The following LIN28B variants were observed in gnomAD, a reference collection of about 807,000 sequenced individuals.
LIN28B encodes the protein lin-28 RNA binding posttranscriptional regulator B.
A neutral mutation model predicts 21.9 loss-of-function variants in LIN28B; 5 were observed. The observed-to-expected ratio is 0.23, with a 90% CI of 0.12 to 0.48. The LOEUF (loss-of-function observed/expected upper bound fraction) is 0.48. LIN28B is among the 20% of genes least tolerant of loss of function. The probability of loss-of-function intolerance (pLI) is 0.98; values close to 1 mark genes in which losing one functional copy is unlikely to be tolerated. For synonymous variants in LIN28B, 109 were observed against 111.3 expected, an observed-to-expected ratio of 0.98 and a Z score of 0.13; for missense variants, 245 against 310.5, an observed-to-expected ratio of 0.79 and a Z score of 1.58.
At chr6:105,032,943 T>C (rs929952402) in intron 3 of LIN28B, among the ~76,000 whole-genome samples, 2 of 152,140 alleles carry the variant, frequency 1.3e-5, no homozygotes, top group African/African-American at 4.8e-5. Flanking sequence ...TTGTGTAAGT[T>C]TTTTTTGCCA....
At chr6:104,987,511 A>G (rs535326602) in intron 2 of LIN28B, among the ~76,000 whole-genome samples, 1 of 151,826 alleles carries the variant, frequency 6.6e-6, no homozygotes, top group South Asian at 2.1e-4. Context: ...GCCCAGCCAA[A>G]TTTTTTTATT....
chr6:105,040,194 A>G (rs1191188254), intron 3 of LIN28B, among the ~76,000 whole-genome samples: 1 of 152,168 alleles, frequency 6.6e-6, no homozygotes, highest in East Asian at 1.9e-4. Context: ...TTATGAAGTT[A>G]AAGCATTCTT....
At chr6:104,984,122 A>G (rs1300686452) in intron 2 of LIN28B, among the ~76,000 whole-genome samples, 2 of 152,222 alleles carry the variant, frequency 1.3e-5, no homozygotes, top group Non-Finnish European at 2.9e-5. Flanking sequence ...TTATTCTACA[A>G]GTAGAAAGAA....
intron 3 of LIN28B, among the ~76,000 whole-genome samples, chr6:105,074,251 G>T (rs554091397): frequency 6.6e-6 from 1 of 152,258 alleles, no homozygotes; most frequent in South Asian, 2.1e-4. Flanking sequence ...AGGCTGGAGT[G>T]CAGTGGTGCA....
At chr6:105,002,053 G>T (rs1317213450) in intron 2 of LIN28B, among the ~76,000 whole-genome samples, 2 of 152,012 alleles carry the variant, frequency 1.3e-5, no homozygotes, top group African/African-American at 4.8e-5. Context: ...TTTAGTGAAA[G>T]AATTAGAGCA....
chr6:105,054,735 GC>G (rs1305085512), intron 3 of LIN28B, among the ~76,000 whole-genome samples: 1 of 152,180 alleles, frequency 6.6e-6, no homozygotes, highest in Non-Finnish European at 1.5e-5. Context: ...CTGTCCCCAT[GC>G]CCCAGGGGAC....
At chr6:104,951,031 T>C (rs1363102526) in intron 3 of LIN28B, among the ~76,000 whole-genome samples, 1 of 152,140 alleles carries the variant, frequency 6.6e-6, no homozygotes, top group Non-Finnish European at 1.5e-5. Context: ...TTCATAAACA[T>C]ATATCAGAAT....
At chr6:104,952,043 C>T (rs142901403) in intron 3 of LIN28B, among the ~76,000 whole-genome samples, 5 of 152,306 alleles carry the variant, frequency 3.3e-5, no homozygotes, top group Non-Finnish European at 5.9e-5. Context: ...CTTGCCCTCT[C>T]CCCTCAAATA....
At chr6:105,077,762 C>G (rs1442294266) in intron 3 of LIN28B, among the ~76,000 whole-genome samples, 1 of 152,160 alleles carries the variant, frequency 6.6e-6, no homozygotes, top group Non-Finnish European at 1.5e-5. Flanking sequence ...GACATTTACT[C>G]TATTGCTCTA....
At chr6:105,011,075 C>T (rs965379118) in intron 2 of LIN28B, among the ~76,000 whole-genome samples, 2 of 152,130 alleles carry the variant, frequency 1.3e-5, no homozygotes, top group African/African-American at 2.4e-5. Context: ...CTCCTTTGTT[C>T]CAGAGTATCT....
intron 2 of LIN28B, among the ~76,000 whole-genome samples, chr6:104,949,481 G>A (rs1434007540): frequency 6.6e-6 from 1 of 152,124 alleles, no homozygotes; most frequent in Non-Finnish European, 1.5e-5. Context: ...ACATTCAGTA[G>A]AACCCTGCAC....
chr6:105,014,381 G>A (rs184970933), intron 2 of LIN28B, among the ~76,000 whole-genome samples: 35 of 152,256 alleles, frequency 2.3e-4, no homozygotes, highest in African/African-American at 6.7e-4. Flanking sequence ...GTGCAGTGGC[G>A]CAATCTTGGC....
At chr6:104,950,346 C>A in intron 2 of LIN28B, 1 of 508,598 alleles carries the variant, frequency 2.0e-6, no homozygotes, top group Non-Finnish European at 3.0e-6. Context: ...GTTTACAGGT[C>A]TCTTCACAGA....
chr6:105,022,671 A>G (rs139091959), intron 2 of LIN28B, among the ~76,000 whole-genome samples: 85 of 152,054 alleles, frequency 5.6e-4, no homozygotes, highest in African/African-American at 2.0e-3. Context: ...ATGGAATTAG[A>G]GTAATGTTTT....
chr6:105,001,763 A>G (rs1207369262), intron 2 of LIN28B, among the ~76,000 whole-genome samples: 1 of 152,200 alleles, frequency 6.6e-6, no homozygotes, highest in Non-Finnish European at 1.5e-5. Flanking sequence ...GCTAATTAAG[A>G]AGATGTTATG....
At chr6:104,957,973 T>TA (rs869304002) in intron 1 of LIN28B, 126 bp from the exon 2 acceptor site, 17 of 556,150 alleles carry the variant, frequency 3.1e-5, no homozygotes, top group African/African-American at 1.7e-4. Flanking sequence ...ATCAAACCAT[T>TA]AAAAAAAATT....
intron 2 of LIN28B, among the ~76,000 whole-genome samples, chr6:104,943,337 T>G (rs961278690): frequency 6.6e-6 from 1 of 152,128 alleles, no homozygotes; most frequent in African/African-American, 2.4e-5. Flanking sequence ...CTGTCATAAT[T>G]TACAAATCAT....
chr6:105,076,261 T>A (rs1772423250), intron 3 of LIN28B, among the ~76,000 whole-genome samples: 1 of 152,154 alleles, frequency 6.6e-6, no homozygotes, highest in African/African-American at 2.4e-5. Flanking sequence ...TATGATTCAG[T>A]CTGTCCTAAG....
intron 3 of LIN28B, among the ~76,000 whole-genome samples, chr6:105,030,857 A>G (rs1437717758): frequency 1.3e-5 from 2 of 152,006 alleles, no homozygotes; most frequent in African/African-American, 4.8e-5. Flanking sequence ...CAGCCTCCCA[A>G]AGATTACAGG....
Sources: gnomAD v4.1 joint callset for allele counts (sites outside exome capture counted in the v4.1 genomes callset) on GRCh38, gnomAD v4.1.1 for gene constraint, MANE v1.5 for transcripts, NCBI Gene and HGNC (gene_info 2026-07-23, HGNC 2026-07-21) for gene names.